The following SUGCT variants were observed in gnomAD, a reference collection of about 807,000 sequenced individuals.
SUGCT encodes succinyl-CoA:glutarate-CoA transferase.
Under a neutral mutation model 55.0 loss-of-function variants are expected in SUGCT, and 41 were observed. The ratio of observed to expected loss-of-function variants is 0.74; its 90% CI spans 0.58 to 0.97. SUGCT has a LOEUF of 0.97. Among genes scored for constraint, SUGCT ranks in the 50% least tolerant of loss-of-function variants. The probability of loss-of-function intolerance (pLI) is 0.00; values close to 1 mark genes in which losing one functional copy is unlikely to be tolerated. For missense variants in SUGCT, 568 were observed against 547.8 expected, an observed-to-expected ratio of 1.04 and a Z score of -0.37; for synonymous variants, 187 against 200.4, an observed-to-expected ratio of 0.93 and a Z score of 0.56.
chr7:40,232,510 C>A (rs1788778241), intron 6 of SUGCT, among the ~76,000 whole-genome samples: 1 of 152,078 alleles, frequency 6.6e-6, no homozygotes, highest in South Asian at 2.1e-4. Flanking sequence ...AAAAGTATAA[C>A]CATTAACAAG....
intron 12 of SUGCT, among the ~76,000 whole-genome samples, chr7:40,508,352 G>A (rs1792726768): frequency 6.6e-6 from 1 of 152,186 alleles, no homozygotes; most frequent in Admixed American, 6.5e-5. Context: ...GGGGAAGGCA[G>A]ACCATGTCAT....
chr7:40,354,566 C>A (rs1275306311), intron 9 of SUGCT, among the ~76,000 whole-genome samples: 1 of 152,130 alleles, frequency 6.6e-6, no homozygotes, highest in Non-Finnish European at 1.5e-5. Flanking sequence ...GAAAAGTTGG[C>A]TGGGTATTGC....
chr7:41,011,468 A>C, the SUGCT span, among the ~76,000 whole-genome samples: 2 of 152,206 alleles, frequency 1.3e-5, no homozygotes, highest in African/African-American at 4.8e-5. Context: ...CCCACTATTC[A>C]AAGTGTGGTA....
chr7:40,818,203 C>A (rs1310696676), intron 13 of SUGCT, among the ~76,000 whole-genome samples: 2 of 152,230 alleles, frequency 1.3e-5, no homozygotes, highest in African/African-American at 4.8e-5. Flanking sequence ...CCTGGTCTGT[C>A]TACAGGCAGT....
intron 9 of SUGCT, among the ~76,000 whole-genome samples, chr7:40,436,893 G>A (rs1788206231): frequency 6.6e-6 from 1 of 152,002 alleles, no homozygotes; most frequent in African/African-American, 2.4e-5. Context: ...AAATCAATAT[G>A]GTCTCTTGTC....
chr7:40,357,854 T>G (rs1243198837), intron 9 of SUGCT, among the ~76,000 whole-genome samples: 2 of 152,194 alleles, frequency 1.3e-5, no homozygotes, highest in Non-Finnish European at 2.9e-5. Context: ...ATTCTTAGCT[T>G]GTGGGTCATC....
rs547219041 is a variant in SUGCT at position 40,182,023 on chromosome 7, G to A, written c.221G>A (p.Arg74Lys). 319 of 1,585,756 alleles carry A rather than the reference G, an allele frequency of 2.0e-4. 1 individual carries two copies. The South Asian group carries it at 3.6e-3, about 18-fold the overall frequency. ...DLGAEVIKVE[R>K]PGAGDDTRTW... ...GGAGCAGAAGTTATAAAAGTGGAGA[G>A]ACCAGGTAAAGCTATTACTCCCTTT... is the stretch of plus-strand genomic sequence containing the variant. Residue 74 changes from arginine (R) to lysine (K), a missense_variant, in exon 3 of 14, where the codon AGA becomes AAA. Physicochemically the swap from Arg to Lys is conservative, Grantham distance 26. Coordinates refer to ENST00000335693, the MANE Select transcript of SUGCT (RefSeq NM_001193313.2).
At chr7:40,921,358 G>C in the SUGCT span, among the ~76,000 whole-genome samples, 1 of 152,128 alleles carries the variant, frequency 6.6e-6, no homozygotes, top group Non-Finnish European at 1.5e-5. Flanking sequence ...AAAATCCAAA[G>C]TTGCTGCACT....
the SUGCT span, among the ~76,000 whole-genome samples, chr7:41,001,022 C>CAGATATAT: frequency 6.6e-6 from 1 of 152,080 alleles, no homozygotes; most frequent in African/African-American, 2.4e-5. Context: ...CAGTTATCAG[C>CAGATATAT]CATATATCCA....
At chr7:40,581,396 G>C (rs780410877) in intron 12 of SUGCT, among the ~76,000 whole-genome samples, 3 of 152,078 alleles carry the variant, frequency 2.0e-5, no homozygotes, top group Non-Finnish European at 2.9e-5. Context: ...TCCATTTCAG[G>C]GTTTCCAGAA....
At chr7:40,445,744 C>T (rs1271388043) in intron 9 of SUGCT, among the ~76,000 whole-genome samples, 1 of 152,032 alleles carries the variant, frequency 6.6e-6, no homozygotes, top group Non-Finnish European at 1.5e-5. Context: ...TGCAAAAATC[C>T]TCAATAACAT....
intron 1 of SUGCT, among the ~76,000 whole-genome samples, chr7:40,173,502 G>A (rs1784776594): frequency 6.6e-6 from 1 of 152,166 alleles, no homozygotes; most frequent in Non-Finnish European, 1.5e-5. Context: ...GACCCAAAGG[G>A]GGTTGCCCAC....
intron 9 of SUGCT, among the ~76,000 whole-genome samples, chr7:40,318,500 G>A (rs1485473145): frequency 1.3e-5 from 2 of 152,184 alleles, no homozygotes; most frequent in African/African-American, 4.8e-5. Context: ...GCAGTGGCAC[G>A]ATCTCAGCTC....
intron 13 of SUGCT, among the ~76,000 whole-genome samples, chr7:40,844,423 T>G (rs532710314): frequency 6.6e-6 from 1 of 151,836 alleles, no homozygotes; most frequent in Admixed American, 6.5e-5. Context: ...GGGGACAGAG[T>G]GGGAAGATAA....
At chr7:40,267,075 G>A (rs1002155151) in intron 7 of SUGCT, among the ~76,000 whole-genome samples, 6 of 151,310 alleles carry the variant, frequency 4.0e-5, no homozygotes, top group African/African-American at 1.5e-4. Flanking sequence ...AATAACACTG[G>A]GAATGGTGAA....
chr7:40,220,763 A>G lies in SUGCT; in HGVS notation c.485-16872A>G, dbSNP rs540828966. 1.2e-4 allele frequency among the ~76,000 whole-genome samples: 18 copies of G among 152,294 alleles called. No homozygotes were observed. The East Asian group carries it at 2.1e-3, about 18-fold the overall frequency. ...TAGGATTGCAAATTCTAAATTATTTATTTTTGGAGTAGCCACAGAAAAATT... is the reference window on the plus strand; with the variant it reads ...TAGGATTGCAAATTCTAAATTATTTGTTTTTGGAGTAGCCACAGAAAAATT... On this transcript the variant is annotated intron_variant, in intron 6 of 13. Coordinates refer to ENST00000335693, the MANE Select transcript of SUGCT (RefSeq NM_001193313.2).
At chr7:40,179,937 G>A (rs1785104045) in intron 1 of SUGCT, among the ~76,000 whole-genome samples, 1 of 152,174 alleles carries the variant, frequency 6.6e-6, no homozygotes, top group Non-Finnish European at 1.5e-5. Context: ...CTGGAGGTGT[G>A]ATTTTTGGGG....
chr7:40,957,505 T>C, the SUGCT span, among the ~76,000 whole-genome samples: 2 of 137,376 alleles, frequency 1.5e-5, no homozygotes, highest in Admixed American at 7.9e-5. Flanking sequence ...TCTTCCTCCA[T>C]CCCTTTATTT....
At chr7:40,964,911 G>A in the SUGCT span, 9 of 152,202 alleles carry the variant, frequency 5.9e-5, no homozygotes, top group African/African-American at 2.2e-4. Context: ...TGTCCCCACT[G>A]AAAAGGCAAT....
Sources: allele counts gnomAD v4.1 joint callset (sites outside exome capture counted in the v4.1 genomes callset), GRCh38; gene constraint gnomAD v4.1.1; transcripts MANE v1.5; gene names NCBI Gene and HGNC (gene_info 2026-07-23, HGNC 2026-07-21).